ARFGEF1: variants seen among roughly 807,000 people sequenced by gnomAD.
The protein encoded by ARFGEF1 is brefeldin A-inhibited guanine nucleotide-exchange protein 1.
In ARFGEF1, 42 loss-of-function variants were observed where a neutral mutation model predicts 231.0. The observed-to-expected ratio is 0.18, with a 90% CI of 0.14 to 0.24. The LOEUF is 0.24. ARFGEF1 is among the 10% of genes least tolerant of loss of function. ARFGEF1 has a pLI of 1.00. For synonymous variants in ARFGEF1, 710 were observed against 732.3 expected (o/e 0.97, Z 0.49); for missense variants, 1,345 against 2,192.0 (o/e 0.61, Z 7.72).
Position 67,292,121 on chromosome 8 carries a change from T to C in ARFGEF1, c.642A>G (p.Leu214=). ...CTTTTTCCATTTGTTTTGCTTCCTG[T>C]AACTGGAAATAAATAAAATTTCCAA... ...VIFARMENQA[L]QEAKQMEKER... Residue 214 remains leucine, a splice_region_variant and synonymous_variant, in exon 6 of 39, where the codon TTA becomes TTG. Transcript: ENST00000262215. 2 of 1,605,390 alleles carry C rather than the reference T, an allele frequency of 1.2e-6. No homozygotes were observed. The highest frequency in any genetic ancestry group is 1.7e-6 in the Non-Finnish European group (2 of 1,176,848).
At chr8:67,275,780 T>A (rs1010486709) in intron 9 of ARFGEF1, among the ~76,000 whole-genome samples, 196 bp downstream of exon 9, 22 of 152,156 alleles carry the variant, frequency 1.4e-4, no homozygotes, top group African/African-American at 4.8e-4. Context: ...TAGGAAATAG[T>A]GTAAGTTATC....
intron 1 of ARFGEF1, among the ~76,000 whole-genome samples, chr8:67,311,054 C>T (rs1462218072): frequency 6.7e-6 from 1 of 149,176 alleles, no homozygotes; most frequent in Non-Finnish European, 1.5e-5. Flanking sequence ...CCGGCCACCC[C>T]TACTGGGAAG....
intron 2 of ARFGEF1, among the ~76,000 whole-genome samples, chr8:67,302,070 T>C (rs541155437): frequency 1.3e-5 from 2 of 151,970 alleles, no homozygotes; most frequent in East Asian, 3.9e-4. Context: ...ATGGTGGTGC[T>C]CGCCTGTAGT....
rs747126358 is a variant in ARFGEF1, at chr8:67,259,845, T to C, written c.2205A>G (p.Gln735=). ...MLGTTPEDIA[Q]FLHQEERLDS... is the part of the protein sequence containing the mutation. ...CTAATCTTTCCTCTTGATGTAAGAA[T>C]TGGGCAATATCTTCAGGTGTGGTGC... is the stretch of plus-strand genomic sequence containing the variant. Residue 735 remains glutamine (Q), a synonymous_variant, in exon 15 of 39, where the codon CAA becomes CAG. Transcript: ENST00000262215. 2.0e-5 allele frequency: 32 copies of C among 1,611,616 alleles called. No individual in the cohort carries two copies. Among genetic ancestry groups the C allele is most frequent in the Non-Finnish European group, 2.6e-5 (31 of 1,178,506 alleles).
chr8:67,304,488 C>T (rs112278572), intron 1 of ARFGEF1, among the ~76,000 whole-genome samples: 3,375 of 152,258 alleles, frequency 0.022, 81 homozygotes, highest in South Asian at 0.047. Flanking sequence ...TAAAATTGCA[C>T]GGCTCACCAA....
At chr8:67,275,390 T>C (rs966843688) in intron 9 of ARFGEF1, among the ~76,000 whole-genome samples, 1 of 152,170 alleles carries the variant, frequency 6.6e-6, no homozygotes, top group Middle Eastern at 3.4e-3. Flanking sequence ...TTCATGAAAA[T>C]TAGACAAGTG....
At chr8:67,275,315 CGA>C (rs1205486385) in intron 9 of ARFGEF1, among the ~76,000 whole-genome samples, 1 of 151,938 alleles carries the variant, frequency 6.6e-6, no homozygotes, top group African/African-American at 2.4e-5. Flanking sequence ...ATTTGAATCA[CGA>C]GAGATACTTG....
chr8:67,236,365 A>AAATATAT (rs1554638966), intron 22 of ARFGEF1, among the ~76,000 whole-genome samples: 1 of 29,066 alleles, frequency 3.4e-5, no homozygotes. Context: ...AAAAAAAAAA[A>AAATATAT]ATATATATAT....
At chr8:67,225,350 T>A (rs1285196646) in intron 28 of ARFGEF1, among the ~76,000 whole-genome samples, 3 of 152,186 alleles carry the variant, frequency 2.0e-5, no homozygotes, top group Non-Finnish European at 4.4e-5. Context: ...ATGGTTATGA[T>A]ACCAGACAGC....
chr8:67,184,225 C>G (rs1833801919), intron 5 of ARFGEF1, among the ~76,000 whole-genome samples: 1 of 151,916 alleles, frequency 6.6e-6, no homozygotes, highest in South Asian at 2.1e-4. Context: ...GTAGAAAGAT[C>G]TAAAATCAGT....
Position 67,297,216 on chromosome 8 carries a change from G to T in ARFGEF1, c.460-606C>A, listed in dbSNP as rs143366947. Among the ~76,000 whole-genome samples the T allele has an allele frequency of 9.7e-3, 1,474 of 152,214 alleles. 6 individuals carry two copies. Among genetic ancestry groups the T allele is most frequent in the Non-Finnish European group, 0.015 (1,034 of 68,022 alleles). ...ACTATTTAACTTACTAAAATGCACA[G>T]CATGAAAGCTGTTACAGCAGAGCAC... On this transcript the variant is annotated intron_variant, in intron 4 of 38. Transcript: ENST00000262215.
chr8:67,343,117 C>G, intron 1 of ARFGEF1, 47 bp downstream of exon 1: 1 of 1,141,876 alleles, frequency 8.8e-7, no homozygotes, highest in Non-Finnish European at 1.2e-6. Flanking sequence ...GCCCCCCTCC[C>G]CGCCCCACAA....
At chr8:67,220,255 C>T (rs1277545867) in intron 29 of ARFGEF1, among the ~76,000 whole-genome samples, 3 of 152,210 alleles carry the variant, frequency 2.0e-5, no homozygotes, top group Non-Finnish European at 4.4e-5. Context: ...TGAAATAATA[C>T]TTTTATGTAA....
intron 1 of ARFGEF1, among the ~76,000 whole-genome samples, chr8:67,309,512 C>T (rs1377480819): frequency 2.0e-5 from 3 of 152,294 alleles, no homozygotes; most frequent in Admixed American, 6.5e-5. Flanking sequence ...CCTTTTCCTT[C>T]GCATACCTTC....
chr8:67,335,057 A>C (rs1587345391), intron 1 of ARFGEF1, among the ~76,000 whole-genome samples: 1 of 152,140 alleles, frequency 6.6e-6, no homozygotes, highest in East Asian at 1.9e-4. Flanking sequence ...TTTTTCAAAA[A>C]GTTAACAGTA....
intron 22 of ARFGEF1, 63 bp downstream of exon 22, chr8:67,238,280 C>CTT: frequency 6.9e-7 from 1 of 1,449,978 alleles, no homozygotes; most frequent in Non-Finnish European, 9.3e-7. Flanking sequence ...TTCATTACTA[C>CTT]AATAAAGTGA....
chr8:67,216,094 G>A (rs146197023), intron 33 of ARFGEF1, among the ~76,000 whole-genome samples: 8 of 152,228 alleles, frequency 5.3e-5, no homozygotes, highest in South Asian at 4.2e-4. Flanking sequence ...TTAATTGTCT[G>A]TGACATTGAC....
At chr8:67,197,384 GGCTACAGTGA>G (rs1264335194), downstream of ARFGEF1, among the ~76,000 whole-genome samples, 1 of 152,092 alleles carries the variant, frequency 6.6e-6, no homozygotes, top group Non-Finnish European at 1.5e-5. Context: ...CCCAGTTTGA[GGCTACAGTGA>G]GCTGTGCTCA....
chr8:67,268,672 G>A (rs1371766917), intron 10 of ARFGEF1, among the ~76,000 whole-genome samples: 1 of 152,220 alleles, frequency 6.6e-6, no homozygotes, highest in Non-Finnish European at 1.5e-5. Flanking sequence ...CTAAGAAGCT[G>A]TGTGCAGTTT....
Sources: allele counts gnomAD v4.1 joint callset (sites outside exome capture counted in the v4.1 genomes callset), GRCh38; gene constraint gnomAD v4.1.1; transcripts MANE v1.5; gene names NCBI Gene and HGNC (gene_info 2026-07-23, HGNC 2026-07-21).